The following SYNPR variants were observed in gnomAD, a reference collection of about 807,000 sequenced individuals.
SYNPR encodes synaptoporin.
A neutral mutation model predicts 32.9 loss-of-function variants in SYNPR; 23 were observed. The ratio of observed to expected loss-of-function variants is 0.70; its 90% confidence interval spans 0.50 to 0.99. The LOEUF is 0.99. SYNPR is among the 50% of genes least tolerant of loss of function. The pLI is 0.00. For synonymous variants in SYNPR, 146 were observed against 135.9 expected (o/e 1.07, Z -0.52); for missense variants, 318 against 349.3 (o/e 0.91, Z 0.71).
chr3:63,615,286 C>T lies in SYNPR; in HGVS notation c.663C>T (p.Thr221=), dbSNP rs190213928. 424 of 1,613,718 alleles carry T rather than the reference C, an allele frequency of 2.6e-4. 1 individual carries two copies. In the African/African-American group the frequency reaches 4.3e-3, roughly 16 times the overall value. The change falls in exon 6 of 6, where the codon ACC becomes ACT. Residue 221 remains threonine, a synonymous_variant. Transcript: ENST00000478300. ...AGNIWFVFKE[T]GWHSSGQRYL... ...ACATATGGTTTGTTTTCAAGGAGAC[C>T]GGCTGGCATTCTTCGGGACAGAGAT...
At chr3:63,358,721 T>C (rs553531363) in intron 2 of SYNPR, among the ~76,000 whole-genome samples, 1 of 152,322 alleles carries the variant, frequency 6.6e-6, no homozygotes, top group East Asian at 1.9e-4. Flanking sequence ...TACTATGTTC[T>C]ATGCACTCAT....
At chr3:63,387,673 A>G (rs1236720270) in intron 2 of SYNPR, among the ~76,000 whole-genome samples, 1 of 152,246 alleles carries the variant, frequency 6.6e-6, no homozygotes, top group Non-Finnish European at 1.5e-5. Context: ...AAGTTGAACC[A>G]CTTAACCACT....
intron 2 of SYNPR, among the ~76,000 whole-genome samples, chr3:63,299,142 C>A (rs1462702457): frequency 6.6e-6 from 1 of 152,002 alleles, no homozygotes; most frequent in East Asian, 1.9e-4. Context: ...AAGCAATAAT[C>A]AGCTCAAAAT....
At chr3:63,202,811 TC>T in the SYNPR span, among the ~76,000 whole-genome samples, 4 of 151,884 alleles carry the variant, frequency 2.6e-5, no homozygotes, top group Non-Finnish European at 5.9e-5. Context: ...AGAAGAAAGC[TC>T]CCAAGGGACT....
chr3:63,272,135 T>C (rs1400963080), intron 3 of SYNPR, among the ~76,000 whole-genome samples: 8 of 152,222 alleles, frequency 5.3e-5, no homozygotes, highest in African/African-American at 1.9e-4. Flanking sequence ...CGGTCATATT[T>C]CTTAGACTTT....
the SYNPR span, among the ~76,000 whole-genome samples, chr3:63,223,259 G>T: frequency 6.8e-6 from 1 of 147,844 alleles, no homozygotes; most frequent in Non-Finnish European, 1.5e-5. Context: ...TCAGTGATAG[G>T]AGCAAGCCCT....
At chr3:63,538,543 C>T (rs1702247570) in intron 3 of SYNPR, among the ~76,000 whole-genome samples, 2 of 151,958 alleles carry the variant, frequency 1.3e-5, no homozygotes, top group African/African-American at 4.8e-5. Context: ...TGATTTTGGG[C>T]TTGGTAAGTG....
At chr3:63,245,849 A>G (rs943921345) in intron 1 of SYNPR, among the ~76,000 whole-genome samples, 4 of 151,662 alleles carry the variant, frequency 2.6e-5, no homozygotes, top group Non-Finnish European at 5.9e-5. Context: ...ATCTTTTCCC[A>G]TTTTCTAACA....
intron 3 of SYNPR, among the ~76,000 whole-genome samples, chr3:63,487,820 G>T (rs982698940): frequency 6.6e-6 from 1 of 152,178 alleles, no homozygotes; most frequent in South Asian, 2.1e-4. Context: ...GGCATCGGTG[G>T]AGTAGGAGAC....
intron 4 of SYNPR, among the ~76,000 whole-genome samples, chr3:63,607,530 AG>A (rs1700141733): frequency 6.6e-6 from 1 of 152,218 alleles, no homozygotes; most frequent in Non-Finnish European, 1.5e-5. Context: ...TTAAAAACCA[AG>A]GTGTAATTGA....
At position 63,443,232 on chromosome 3, in the gene SYNPR, G is replaced by A. The variant is rs143365255; in HGVS notation, c.85-37600G>A. ...GTTGTCACTGTCTAATAATATGACC[G>A]TTTTGCCATCTCTCTGCAAATGAGG... On this transcript the variant is annotated intron_variant, in intron 2 of 5. Transcript: ENST00000478300. The A allele has an allele frequency of 5.1e-3, 7,080 of 1,398,346 alleles. 24 individuals carry two copies. The highest frequency in any genetic ancestry group is 5.9e-3 in the Non-Finnish European group (6,383 of 1,075,016). 86.6% of individuals were successfully genotyped at this position (1,398,346 alleles called of 1,614,324 possible).
upstream of SYNPR, among the ~76,000 whole-genome samples, chr3:63,274,700 G>A (rs1170515295): frequency 2.0e-5 from 3 of 152,158 alleles, no homozygotes; most frequent in Non-Finnish European, 4.4e-5. Flanking sequence ...ACTTGCTGAA[G>A]TTTCTCTACC....
chr3:63,268,715 G>A (rs570058156), intron 3 of SYNPR, among the ~76,000 whole-genome samples: 2 of 152,172 alleles, frequency 1.3e-5, no homozygotes, highest in Admixed American at 6.5e-5. Context: ...GGGTGGTGGA[G>A]GTGGAAGAAA....
the SYNPR span, among the ~76,000 whole-genome samples, chr3:63,206,947 A>G: frequency 5.9e-5 from 9 of 152,202 alleles, no homozygotes; most frequent in Admixed American, 1.3e-4. Flanking sequence ...CTAATTGCCT[A>G]AAGTAGAGAA....
At chr3:63,380,718 T>C (rs1232590144) in intron 2 of SYNPR, among the ~76,000 whole-genome samples, 1 of 152,120 alleles carries the variant, frequency 6.6e-6, no homozygotes, top group African/African-American at 2.4e-5. Context: ...TCAAGTGGGC[T>C]TCATCCCTGG....
At chr3:63,266,842 A>G (rs904286713) in intron 2 of SYNPR, among the ~76,000 whole-genome samples, 14 of 152,132 alleles carry the variant, frequency 9.2e-5, no homozygotes, top group African/African-American at 3.4e-4. Context: ...CCCAGTAGCC[A>G]TGGTGCCGGG....
intron 2 of SYNPR, among the ~76,000 whole-genome samples, chr3:63,430,284 C>T (rs535801086): frequency 5.9e-5 from 9 of 152,144 alleles, no homozygotes; most frequent in South Asian, 2.1e-4. Context: ...AGCATTAACA[C>T]GTCTTTACAT....
In SYNPR at chr3:63,556,609, T is replaced by C. The variant is rs780756521; in HGVS notation, c.276T>C (p.Ile92=). Residue 92 remains isoleucine, a synonymous_variant, in exon 4 of 6, where the codon ATT becomes ATC. Transcript: ENST00000478300. ...AGGAACGGCAGAAGCTGGCATTGAT[T>C]GGTGACTCCTCGTCTTCAGCAGAGT... is the stretch of plus-strand genomic sequence containing the variant. The part of the protein sequence containing the change: ...EGKERQKLAL[I]GDSSSSAEFF... 14 of 1,613,742 alleles carry C rather than the reference T, an allele frequency of 8.7e-6. No homozygotes were observed. Among genetic ancestry groups the C allele is most frequent in the Admixed American group, 1.7e-5 (1 of 60,002 alleles).
At chr3:63,327,672 A>G (rs920790176) in intron 2 of SYNPR, among the ~76,000 whole-genome samples, 1 of 152,190 alleles carries the variant, frequency 6.6e-6, no homozygotes, top group Admixed American at 6.5e-5. Flanking sequence ...TGAGCAAAAG[A>G]AACTAGATAC....
Sources: allele counts gnomAD v4.1 joint callset (sites outside exome capture counted in the v4.1 genomes callset), GRCh38; gene constraint gnomAD v4.1.1; transcripts MANE v1.5; gene names NCBI Gene and HGNC (gene_info 2026-07-23, HGNC 2026-07-21).